Variants in CD99L2 observed in about 807,000 individuals in gnomAD.
CD99L2 encodes CD99 molecule like 2, also known as CD99 antigen-like protein 2.
In CD99L2, 24 loss-of-function variants were observed where a neutral mutation model predicts 27.3. The observed-to-expected ratio is 0.88, with a 90% confidence interval of 0.64 to 1.24. The LOEUF (loss-of-function observed/expected upper bound fraction) is 1.24, where lower values mean the gene tolerates loss of function less well. CD99L2 is among the 50% of genes most tolerant of loss of function. CD99L2 has a pLI of 0.00. For missense variants in CD99L2, 255 were observed against 221.6 expected (o/e 1.15, Z -0.96); for synonymous variants, 97 against 87.9 (o/e 1.10, Z -0.58).
At chrX:150,825,385 G>A (rs1557420905) in intron 2 of CD99L2, among the ~76,000 whole-genome samples, 1 of 112,071 alleles carries the variant, frequency 8.9e-6, no homozygotes, top group African/African-American at 3.2e-5. Context: ...TGCGATGCCA[G>A]TACCACACAG....
At position 150,843,410 on chromosome X, in the gene CD99L2, G is replaced by T. The variant is rs970040104; in HGVS notation, c.68-12117C>A. Among the ~76,000 whole-genome samples the T allele has an allele frequency of 4.5e-5, 5 of 110,916 alleles. No homozygotes were observed. In the East Asian group the frequency reaches 1.4e-3, roughly 32 times the overall value. On this transcript the variant is annotated intron_variant, in intron 1 of 10. Coordinates refer to ENST00000370377, the MANE Select transcript of CD99L2 (RefSeq NM_031462.4). ...CACGCCTGTAATCCCAGCACTTTGG[G>T]AGGCCGAGGCGGGCAGATCATGAGG...
chrX:150,845,218 G>T (rs1168399808), intron 1 of CD99L2, among the ~76,000 whole-genome samples: 1 of 111,569 alleles, frequency 9.0e-6, no homozygotes, highest in Non-Finnish European at 1.9e-5. Context: ...CTGAGAGCTA[G>T]GGAACTACTT....
At chrX:150,830,223 C>T (rs1282688137) in intron 2 of CD99L2, among the ~76,000 whole-genome samples, 2 of 109,321 alleles carry the variant, frequency 1.8e-5, no homozygotes, top group Admixed American at 1.9e-4. Context: ...GATAACAAAG[C>T]TTAGCATTTG....
chrX:150,792,571 C>A (rs781869467), intron 7 of CD99L2, among the ~76,000 whole-genome samples: 1 of 111,942 alleles, frequency 8.9e-6, no homozygotes, highest in South Asian at 3.8e-4. Context: ...AAAGGCACAC[C>A]GTTCTTGCAA....
At chrX:150,813,289 G>A (rs1197228539) in intron 4 of CD99L2, among the ~76,000 whole-genome samples, 1 of 111,926 alleles carries the variant, frequency 8.9e-6, no homozygotes, top group African/African-American at 3.2e-5. Flanking sequence ...GTCAATATAT[G>A]GCTATGATAG....
Position 150,898,643 on chromosome X carries a change from A to C in CD99L2, c.-55T>G. 2 of 1,020,846 alleles carry C rather than the reference A, an allele frequency of 2.0e-6. No individual in the cohort carries two copies. The highest frequency in any genetic ancestry group is 2.0e-5 in the African/African-American group (1 of 49,448). 84.1% of individuals were successfully genotyped at this position (1,020,846 alleles called of 1,213,427 possible). On this transcript the variant is annotated 5_prime_UTR_variant, in exon 1 of 11. Transcript: ENST00000370377. ...AGCACAGTTAGCGCGAGAGCGCCCG[A>C]AGGGGAGGCCGAGGAGGAGCGGGAG...
chrX:150,776,357 G>C, intron 8 of CD99L2, 64 bp from the exon 9 acceptor site: 3 of 1,104,021 alleles, frequency 2.7e-6, no homozygotes, highest in Non-Finnish European at 3.6e-6. Flanking sequence ...GCAGGGAGCA[G>C]CCTGGGAGCC....
chrX:150,824,940 T>C (rs781882620), intron 2 of CD99L2, among the ~76,000 whole-genome samples: 2 of 112,080 alleles, frequency 1.8e-5, no homozygotes, highest in African/African-American at 6.5e-5. Context: ...CCCTAACTCA[T>C]ACCTCACTGT....
intron 7 of CD99L2, among the ~76,000 whole-genome samples, chrX:150,785,060 G>C (rs2045573808): frequency 9.0e-6 from 1 of 110,980 alleles, no homozygotes; most frequent in Non-Finnish European, 1.9e-5. Flanking sequence ...TGGAAGGCAA[G>C]CAGTTTAGAC....
At chrX:150,871,804 G>C (rs949408282) in intron 1 of CD99L2, among the ~76,000 whole-genome samples, 1 of 112,073 alleles carries the variant, frequency 8.9e-6, no homozygotes, top group African/African-American at 3.2e-5. Context: ...GCAGTGAAAA[G>C]GAATGCTGAC....
chrX:150,797,988 G>A (rs1557419944), intron 4 of CD99L2, among the ~76,000 whole-genome samples: 5 of 101,504 alleles, frequency 4.9e-5, no homozygotes, highest in Non-Finnish European at 6.0e-5. Flanking sequence ...GCTGCAGTGA[G>A]CCGTGACCAC....
intron 2 of CD99L2, among the ~76,000 whole-genome samples, chrX:150,827,679 T>G (rs1196836072): frequency 8.9e-6 from 1 of 111,774 alleles, no homozygotes; most frequent in African/African-American, 3.2e-5. Context: ...GACACCTGCA[T>G]GCAGAGGACA....
In CD99L2 at chrX:150,795,482, T is replaced by C. The variant is rs782055672; in HGVS notation, c.282A>G (p.Arg94=). ...RRKPGIGGRE[R]WNHVTTTTKR... ...TGGTCGTGGTGGTTACATGGTTCCA[T>C]CTCTCTAAAAGGGGAAGGGAGGACA... The change falls in exon 5 of 11, where the codon AGA becomes AGG. Residue 94 remains arginine (R), a synonymous_variant. Coordinates refer to ENST00000370377, the MANE Select transcript of CD99L2 (RefSeq NM_031462.4). The C allele has an allele frequency of 6.6e-6, 8 of 1,208,583 alleles. No homozygotes were observed. In the East Asian group the frequency reaches 8.9e-5, roughly 13 times the overall value.
At chrX:150,824,646 A>AAGGAGG (rs1300437920) in intron 2 of CD99L2, among the ~76,000 whole-genome samples, 3 of 80,947 alleles carry the variant, frequency 3.7e-5, no homozygotes, top group African/African-American at 1.7e-4. Flanking sequence ...GGAGGAGAAG[A>AAGGAGG]AGAAGAAGAA....
At position 150,816,042 on chromosome X, in the gene CD99L2, C is replaced by T; in HGVS notation, c.167G>A (p.Arg56Lys). The T allele has an allele frequency of 1.7e-6, 2 of 1,211,420 alleles. No individual in the cohort carries two copies. Among genetic ancestry groups the T allele is most frequent in the Non-Finnish European group, 2.2e-6 (2 of 895,403 alleles). ...TGCCGGAGCTCTGGTGGTTCCTGGC[C>T]TATTGGTTGTGGTGGTGGTGGTGTG... Reference protein sequence around the residue: ...WDHTTTTTTNRPGTTRAPAKP... With the variant: ...WDHTTTTTTNKPGTTRAPAKP... The change falls in exon 3 of 11, where the codon AGG becomes AAG. Residue 56 changes from arginine (R) to lysine (K), a missense_variant. Physicochemically the swap from Arg to Lys is conservative, Grantham distance 26. Transcript: ENST00000370377.
At chrX:150,780,317 T>G (rs782790886) in intron 7 of CD99L2, among the ~76,000 whole-genome samples, 15 of 111,685 alleles carry the variant, frequency 1.3e-4, no homozygotes, top group Admixed American at 1.1e-3. Flanking sequence ...TTGGTAAGGA[T>G]GTGAAGAAAT....
At chrX:150,891,863 G>C (rs1406321976) in intron 1 of CD99L2, among the ~76,000 whole-genome samples, 1 of 111,914 alleles carries the variant, frequency 8.9e-6, no homozygotes, top group African/African-American at 3.2e-5. Context: ...GGAACCCCTT[G>C]AGCCAGTCCT....
chrX:150,894,640 T>G (rs2047577088), intron 1 of CD99L2, among the ~76,000 whole-genome samples: 1 of 110,633 alleles, frequency 9.0e-6, no homozygotes, highest in African/African-American at 3.3e-5. Context: ...CAGGCTGAAG[T>G]GCAGTGGTGC....
Position 150,769,433 on chromosome X carries a change from A to C in CD99L2, c.722-332T>G, listed in dbSNP as rs1180056459. On this transcript the variant is annotated intron_variant, in intron 10 of 10. Transcript: ENST00000370377. Reference sequence around the variant, plus strand: ...ACAGATGCTGGCCTCGTGGTGGCTAACCGTGGCAAAGCTCATGACAGTGGA... The same window carrying C: ...ACAGATGCTGGCCTCGTGGTGGCTACCCGTGGCAAAGCTCATGACAGTGGA... Among the ~76,000 whole-genome samples, 5 of 112,884 alleles carry C rather than the reference A, an allele frequency of 4.4e-5. No individual in the cohort carries two copies. The East Asian group carries it at 1.1e-3, about 25-fold the overall frequency.
Sources: gnomAD v4.1 joint callset for allele counts (sites outside exome capture counted in the v4.1 genomes callset) on GRCh38, gnomAD v4.1.1 for gene constraint, MANE v1.5 for transcripts, NCBI Gene and HGNC (gene_info 2026-07-23, HGNC 2026-07-21) for gene names.